Variants in STRA6 observed in about 807,000 individuals in gnomAD.
STRA6 encodes the protein receptor for retinol uptake STRA6.
In STRA6, 48 loss-of-function variants were observed where a neutral mutation model predicts 83.6. The ratio of observed to expected loss-of-function variants is 0.57; its 90% CI spans 0.46 to 0.73. The LOEUF is 0.73. Among genes scored for constraint, STRA6 ranks in the 30% least tolerant of loss-of-function variants. The pLI is 0.00. For missense variants in STRA6, 760 were observed against 838.8 expected, an observed-to-expected ratio of 0.91 and a Z score of 1.16; for synonymous variants, 353 against 362.3, an observed-to-expected ratio of 0.97 and a Z score of 0.29.
In STRA6 at chr15:74,189,203, G is replaced by A; in HGVS notation, c.1002C>T (p.Ser334=). 3 of 1,613,458 alleles carry A rather than the reference G, an allele frequency of 1.9e-6. No individual in the cohort carries two copies. The highest frequency in any genetic ancestry group is 2.5e-6 in the Non-Finnish European group (3 of 1,179,772). The part of the protein sequence containing the change: ...KVRAGVTTDV[S]YLLAGFGIVL... ...CGATTCCAAAGCCGGCCAGCAGGTAGGAGACATCCGTGGTGACCCCTGCCC... is the reference window on the plus strand; with the variant it reads ...CGATTCCAAAGCCGGCCAGCAGGTAAGAGACATCCGTGGTGACCCCTGCCC... The change falls in exon 12 of 19, where the codon TCC becomes TCT. Residue 334 remains serine (S), a synonymous_variant. Coordinates refer to ENST00000395105, the MANE Select transcript of STRA6 (RefSeq NM_022369.4).
chr15:74,206,250 C>A (rs1199237562), upstream of STRA6, among the ~76,000 whole-genome samples: 1 of 152,198 alleles, frequency 6.6e-6, no homozygotes, highest in African/African-American at 2.4e-5. Context: ...CAGTCTGGTG[C>A]GGGCAGGGTG....
At chr15:74,206,126 G>A (rs111440108), upstream of STRA6, among the ~76,000 whole-genome samples, 82 of 152,276 alleles carry the variant, frequency 5.4e-4, 1 homozygote, top group African/African-American at 1.8e-3. Flanking sequence ...CAAGGCCCCC[G>A]TCCCTGCACA....
upstream of STRA6, among the ~76,000 whole-genome samples, chr15:74,204,107 G>A (rs2074197328): frequency 1.3e-5 from 2 of 152,196 alleles, no homozygotes; most frequent in South Asian, 2.1e-4. Flanking sequence ...GGGCTCTGTT[G>A]CTCTCCACCA....
chr15:74,184,647 C>T (rs548448473), intron 13 of STRA6, among the ~76,000 whole-genome samples: 50 of 152,344 alleles, frequency 3.3e-4, no homozygotes, highest in Non-Finnish European at 4.6e-4. Flanking sequence ...CTTCCATTCC[C>T]GGGCAGGTGC....
intron 14 of STRA6, chr15:74,183,002 A>AGGAGG (rs1248091602): frequency 2.3e-5 from 4 of 174,034 alleles, no homozygotes; most frequent in African/African-American, 9.6e-5. Context: ...TCCTCCCGCA[A>AGGAGG]GGAGGTGAGA....
chr15:74,191,817 T>C (rs2073555894), intron 8 of STRA6: 1 of 438,356 alleles, frequency 2.3e-6, no homozygotes, highest in Non-Finnish European at 4.2e-6. Flanking sequence ...CCTAGCCCTC[T>C]GGCCTCTGCT....
intron 11 of STRA6, 77 bp downstream of exon 11, chr15:74,190,762 TG>T (rs1234502781): frequency 6.2e-7 from 1 of 1,605,792 alleles, no homozygotes; most frequent in Non-Finnish European, 8.5e-7. Context: ...AGAGCTGGGT[TG>T]GGCCGGAACT....
Position 74,191,492 on chromosome 15 carries a change from C to T in STRA6, c.721-1G>A. 6.2e-7 allele frequency: 1 copy of T among 1,614,062 alleles called. No individual in the cohort carries two copies. The highest frequency in any genetic ancestry group is 8.5e-7 in the Non-Finnish European group (1 of 1,179,932). ...CCTCAGAGTAGCTGCTCTGCAGCCC[C>T]TGTGGAGACAGACAATTGAACAAGC... On this transcript the variant is annotated splice_acceptor_variant, in intron 8 of 18. Transcript: ENST00000395105. LOFTEE classifies it high-confidence loss of function.
chr15:74,187,165 G>A (rs553728099), intron 12 of STRA6, among the ~76,000 whole-genome samples: 2 of 152,316 alleles, frequency 1.3e-5, no homozygotes, highest in South Asian at 4.1e-4. Context: ...GCTAACACAG[G>A]GTTGAAGGGT....
upstream of STRA6, among the ~76,000 whole-genome samples, chr15:74,205,587 G>A (rs746171847): frequency 6.6e-6 from 1 of 152,124 alleles, no homozygotes; most frequent in Non-Finnish European, 1.5e-5. Flanking sequence ...CCAACACTGG[G>A]GTCACATTTC....
chr15:74,200,327 GC>G (rs1354793937), intron 2 of STRA6, among the ~76,000 whole-genome samples: 1 of 152,242 alleles, frequency 6.6e-6, no homozygotes, highest in Non-Finnish European at 1.5e-5. Flanking sequence ...CAGGCGACAG[GC>G]AGCGTGGCTG....
rs1405732272 is a variant in STRA6 at position 74,182,378 on chromosome 15, C to T, written c.1383G>A (p.Arg461=). Residue 461 remains arginine (R), a synonymous_variant, in exon 15 of 19, where the codon AGG becomes AGA. Transcript: ENST00000395105. Reference sequence around the variant, plus strand: ...CCAGGGAACGGAAGAGCAGGAGGTTCCTGCCATGGAGCACAGGCATGAGCA... The same window carrying T: ...CCAGGGAACGGAAGAGCAGGAGGTTTCTGCCATGGAGCACAGGCATGAGCA... ...FLVLMPVLHG[R]NLLLFRSLES... 2 of 1,613,940 alleles carry T rather than the reference C, an allele frequency of 1.2e-6. No homozygotes were observed. Among genetic ancestry groups the T allele is most frequent in the Non-Finnish European group, 1.7e-6 (2 of 1,179,922 alleles).
chr15:74,190,557 T>TTA (rs915253936), intron 11 of STRA6, among the ~76,000 whole-genome samples: 2 of 151,996 alleles, frequency 1.3e-5, no homozygotes, highest in Non-Finnish European at 2.9e-5. Flanking sequence ...TTCAGAGAGG[T>TTA]TATATAACTT....
intron 13 of STRA6, among the ~76,000 whole-genome samples, chr15:74,184,456 C>G (rs1437278396): frequency 6.6e-6 from 1 of 152,216 alleles, no homozygotes; most frequent in Non-Finnish European, 1.5e-5. Context: ...GCCCCTTCCA[C>G]CTGCCCTGGG....
chr15:74,189,905 G>A (rs990893265), intron 11 of STRA6, among the ~76,000 whole-genome samples: 4 of 152,068 alleles, frequency 2.6e-5, no homozygotes, highest in South Asian at 4.2e-4. Flanking sequence ...ATTGTGATCC[G>A]CCCGCCTCAG....
chr15:74,180,644 G>A (rs930977356), intron 18 of STRA6, 138 bp downstream of exon 18: 7 of 1,216,934 alleles, frequency 5.8e-6, no homozygotes, highest in South Asian at 3.1e-5. Flanking sequence ...AGACCAGGAG[G>A]GGTGACCAAA....
At chr15:74,202,643 C>T in intron 1 of STRA6, 70 bp downstream of exon 1, 1 of 1,421,030 alleles carries the variant, frequency 7.0e-7, no homozygotes, top group Non-Finnish European at 9.1e-7. Flanking sequence ...CTTGTCCAGT[C>T]TGAGCTGCCT....
At chr15:74,193,063 T>C (rs913253935) in intron 8 of STRA6, among the ~76,000 whole-genome samples, 2 of 152,182 alleles carry the variant, frequency 1.3e-5, no homozygotes, top group Non-Finnish European at 2.9e-5. Context: ...GAATTCTCTT[T>C]TACCATGATG....
chr15:74,197,776 G>A lies in STRA6; in HGVS notation c.156C>T (p.Tyr52=). The A allele has an allele frequency of 6.2e-7, 1 of 1,613,686 alleles. No homozygotes were observed. The highest frequency in any genetic ancestry group is 8.5e-7 in the Non-Finnish European group (1 of 1,180,030). Residue 52 remains tyrosine (Y), a synonymous_variant, in exon 3 of 19, where the codon TAC becomes TAT. Transcript: ENST00000395105. The part of the protein sequence containing the change: ...SCHTSIPPGL[Y]HACLASLSIL... ...CTGACAGCGAGGCCAGGCAGGCGTGGTACAGGCCGGGTGGTATGCTGGTGT... is the reference window on the plus strand; with the variant it reads ...CTGACAGCGAGGCCAGGCAGGCGTGATACAGGCCGGGTGGTATGCTGGTGT...
Sources: allele counts gnomAD v4.1 joint callset (sites outside exome capture counted in the v4.1 genomes callset), GRCh38; gene constraint gnomAD v4.1.1; transcripts MANE v1.5; gene names NCBI Gene and HGNC (gene_info 2026-07-23, HGNC 2026-07-21).